The following R3HDML variants were observed in gnomAD, a reference collection of about 807,000 sequenced individuals.
The protein encoded by R3HDML is peptidase inhibitor R3HDML.
Under a neutral mutation model 24.2 loss-of-function variants are expected in R3HDML, and 21 were observed. The ratio of observed to expected loss-of-function variants is 0.87; its 90% CI spans 0.62 to 1.25. R3HDML has a LOEUF of 1.25. R3HDML is among the 50% of genes most tolerant of loss of function. R3HDML has a pLI of 0.00. For synonymous variants in R3HDML, 133 were observed against 131.5 expected (o/e 1.01, Z -0.08); for missense variants, 301 against 340.3 (o/e 0.88, Z 0.91).
At chr20:44,339,232 T>C (rs543601719) in intron 1 of R3HDML, among the ~76,000 whole-genome samples, 1 of 152,108 alleles carries the variant, frequency 6.6e-6, no homozygotes, top group Non-Finnish European at 1.5e-5. Flanking sequence ...GCAAGAAAGT[T>C]TGGCTCCCAT....
At chr20:44,345,408 C>A (rs1291453545) in intron 4 of R3HDML, 30 bp downstream of exon 4, 1 of 1,533,028 alleles carries the variant, frequency 6.5e-7, no homozygotes, top group African/African-American at 1.4e-5. Context: ...CAAAGAGGGC[C>A]CTGGGGCCGG....
chr20:44,343,390 G>A lies in R3HDML; in HGVS notation c.394G>A (p.Val132Met). 1 of 1,611,714 alleles carries A rather than the reference G, an allele frequency of 6.2e-7. No individual in the cohort carries two copies. Residue 132 changes from valine (V) to methionine (M), a missense_variant, in exon 3 of 5, where the codon GTG becomes ATG. Val to Met is a conservative substitution (Grantham distance 21). Coordinates refer to ENST00000217043, the MANE Select transcript of R3HDML (RefSeq NM_178491.4). ...SIHSGQYRSV[V>M]DLMKSWSEEK... is the part of the protein sequence containing the mutation. ...CCGCCTCCCCAGGTACCGGTCCGTA[G>A]TGGATCTCATGAAGTCCTGGTCTGA...
At chr20:44,341,837 G>A (rs1281578335) in intron 2 of R3HDML, among the ~76,000 whole-genome samples, 1 of 152,118 alleles carries the variant, frequency 6.6e-6, no homozygotes, top group African/African-American at 2.4e-5. Flanking sequence ...GTGAGCTGAG[G>A]TTGCGCCACT....
chr20:44,342,732 AC>A (rs1300822524), intron 2 of R3HDML, among the ~76,000 whole-genome samples: 1 of 152,136 alleles, frequency 6.6e-6, no homozygotes, highest in Non-Finnish European at 1.5e-5. Flanking sequence ...CGAGCGGATC[AC>A]CTAAGGTCAG....
intron 4 of R3HDML, among the ~76,000 whole-genome samples, chr20:44,345,827 TTC>T (rs2062785238): frequency 6.6e-6 from 1 of 151,056 alleles, no homozygotes; most frequent in Non-Finnish European, 1.5e-5. Flanking sequence ...CTTTCTTTCT[TTC>T]TTTTTTTTGA....
At chr20:44,347,909 G>C (rs752740669) in intron 4 of R3HDML, 1 of 149,974 alleles carries the variant, frequency 6.7e-6, no homozygotes, top group Non-Finnish European at 1.5e-5. Context: ...CTTTATCAGA[G>C]ACAGAAAAAT....
chr20:44,346,816 T>C (rs2062788283), intron 4 of R3HDML, among the ~76,000 whole-genome samples: 1 of 152,136 alleles, frequency 6.6e-6, no homozygotes, highest in South Asian at 2.1e-4. Flanking sequence ...GCAAGCGTAA[T>C]GAAACTTGCA....
At chr20:44,338,094 G>A (rs575263715) in intron 1 of R3HDML, among the ~76,000 whole-genome samples, 1 of 152,188 alleles carries the variant, frequency 6.6e-6, no homozygotes, top group Admixed American at 6.5e-5. Context: ...GTCAAAGGAG[G>A]GCACCAACCT....
chr20:44,345,421 G>A (rs2062783837), intron 4 of R3HDML, 43 bp downstream of exon 4: 2 of 1,395,356 alleles, frequency 1.4e-6, no homozygotes, highest in Admixed American at 3.7e-5. Flanking sequence ...GGGGCCGGCG[G>A]GTGGGTCCTG....
Position 44,350,922 on chromosome 20 carries a change from C to T in R3HDML, c.*130C>T. 1.9e-6 allele frequency: 2 copies of T among 1,035,562 alleles called. No homozygotes were observed. The highest frequency in any genetic ancestry group is 1.6e-5 in the South Asian group (1 of 61,902). 64.1% of individuals were successfully genotyped at this position (1,035,562 alleles called of 1,614,324 possible). A position where few individuals can be genotyped will look rare whatever the true frequency, so the allele number is the denominator to read the frequency against. On this transcript the variant is annotated 3_prime_UTR_variant, in exon 5 of 5. Coordinates refer to ENST00000217043, the MANE Select transcript of R3HDML (RefSeq NM_178491.4). ...AGAATCACCCCCTGTTGAATTTTCCCTCCTAGATCCCCTTCTTAAATGTCC... is the reference window on the plus strand; with the variant it reads ...AGAATCACCCCCTGTTGAATTTTCCTTCCTAGATCCCCTTCTTAAATGTCC...
intron 2 of R3HDML, 135 bp downstream of exon 2, chr20:44,341,449 G>A (rs1248945547): frequency 1.1e-5 from 7 of 666,052 alleles, no homozygotes; most frequent in Non-Finnish European, 1.5e-5. Context: ...CCTGCAGGGA[G>A]CCTGCATTCT....
chr20:44,337,922 C>T lies in R3HDML; in HGVS notation c.261+504C>T, dbSNP rs2062762112. 6.6e-6 allele frequency among the ~76,000 whole-genome samples: 1 copy of T among 152,150 alleles called. No homozygotes were observed. The highest frequency in any genetic ancestry group is 2.4e-5 in the African/African-American group (1 of 41,430). ...TACCCTAAGGTCTTGACTGACACAC[C>T]CACAGCATCCTCCACAAGCCCCTGG... On this transcript the variant is annotated intron_variant, in intron 1 of 4. Transcript: ENST00000217043. This position sits in a 1 kb window ranked among gnomAD's most constrained non-coding sequence, Gnocchi z 4.7.
Position 44,345,281 on chromosome 20 carries a change from A to C in R3HDML, c.532A>C (p.Asn178His). The C allele has an allele frequency of 6.2e-7, 1 of 1,614,064 alleles. No homozygotes were observed. Among genetic ancestry groups the C allele is most frequent in the Non-Finnish European group, 8.5e-7 (1 of 1,179,960 alleles). ...TCACCAGATGGTGTGGGCATCCTCC[A>C]ATCGGCTGGGCTGTGCCATCCACAC... ...HYTQMVWASS[N>H]RLGCAIHTCS... The change falls in exon 4 of 5, where the codon AAT becomes CAT. Residue 178 changes from asparagine to histidine, a missense_variant. Transcript: ENST00000217043.
intron 4 of R3HDML, among the ~76,000 whole-genome samples, chr20:44,349,914 AC>A (rs1208585154): frequency 6.6e-5 from 10 of 152,142 alleles, no homozygotes; most frequent in African/African-American, 2.4e-4. Flanking sequence ...TACTAAAAAT[AC>A]AAAAATTAGC....
Position 44,337,260 on chromosome 20 carries a change from C to T in R3HDML, c.103C>T (p.Gln35Ter). The T allele has an allele frequency of 6.2e-7, 1 of 1,614,158 alleles. No homozygotes were observed. Among genetic ancestry groups the T allele is most frequent in the Non-Finnish European group, 8.5e-7 (1 of 1,180,048 alleles). The change falls in exon 1 of 5, where the codon CAG becomes TAG. Residue 35 changes from glutamine to a stop codon, truncating the protein, a stop_gained. Transcript: ENST00000217043. LOFTEE classifies it high-confidence loss of function. The surrounding 1 kb of genome is among the most constrained non-coding windows in gnomAD (Gnocchi z 4.7). ...GCCTAATGCTACCCCAGCCCCGGCC[C>T]AGCCCGAGAGCACGGCTATGCGGCT... ...IMPNATPAPAQPESTAMRLLS... is the reference protein window; with the variant it reads ...IMPNATPAPA
chr20:44,340,700 C>A (rs1318428400), intron 1 of R3HDML, among the ~76,000 whole-genome samples: 1 of 151,974 alleles, frequency 6.6e-6, no homozygotes, highest in Non-Finnish European at 1.5e-5. Context: ...GTGGGAGGAT[C>A]GCCTCTCACC....
chr20:44,339,577 ATATG>A (rs1316788447), intron 1 of R3HDML, among the ~76,000 whole-genome samples: 1 of 108,558 alleles, frequency 9.2e-6, no homozygotes, highest in African/African-American at 3.4e-5. Context: ...TTGCCTATAT[ATATG>A]TGTGTGTGTG....
chr20:44,348,490 CTT>C (rs1164780259), intron 4 of R3HDML, among the ~76,000 whole-genome samples: 1 of 62,222 alleles, frequency 1.6e-5, no homozygotes, highest in East Asian at 6.7e-4. Context: ...TTCTCCTTTC[CTT>C]TCCTTTCCTT....
intron 4 of R3HDML, among the ~76,000 whole-genome samples, chr20:44,347,011 G>A (rs910475731): frequency 1.3e-5 from 2 of 151,974 alleles, no homozygotes; most frequent in Admixed American, 6.6e-5. Flanking sequence ...GCATGGTGGC[G>A]CGTGCCTGTA....
Sources: allele counts gnomAD v4.1 joint callset (sites outside exome capture counted in the v4.1 genomes callset), GRCh38; gene constraint gnomAD v4.1.1; non-coding constraint Gnocchi (gnomAD v3.1); transcripts MANE v1.5; gene names NCBI Gene and HGNC (gene_info 2026-07-23, HGNC 2026-07-21).